The following RHOA variants were observed in gnomAD, a reference collection of about 807,000 sequenced individuals.
RHOA encodes ras homolog family member A.
Under a neutral mutation model 17.5 loss-of-function variants are expected in RHOA, and 3 were observed. That is an observed-to-expected ratio of 0.17 (90% CI 0.08 to 0.44). The LOEUF is 0.44. RHOA is among the 20% of genes least tolerant of loss of function. The pLI is 0.99. For synonymous variants in RHOA, 98 were observed against 88.4 expected, an observed-to-expected ratio of 1.11 and a Z score of -0.61; for missense variants, 56 against 242.3, an observed-to-expected ratio of 0.23 and a Z score of 5.10.
At chr3:49,388,664 C>A (rs1040420996) in intron 1 of RHOA, among the ~76,000 whole-genome samples, 3 of 152,192 alleles carry the variant, frequency 2.0e-5, no homozygotes, top group African/African-American at 7.2e-5. Context: ...TCACATTTGT[C>A]TGGACAACTT....
At chr3:49,369,597 C>T (rs1002930930) in intron 2 of RHOA, among the ~76,000 whole-genome samples, 5 of 151,396 alleles carry the variant, frequency 3.3e-5, no homozygotes, top group East Asian at 4.0e-4. Flanking sequence ...TAGCCAGGCA[C>T]GGCAGCGTGC....
intron 1 of RHOA, among the ~76,000 whole-genome samples, chr3:49,393,716 G>GAGAGACAGAATCTCGCTC (rs2048559783): frequency 7.0e-6 from 1 of 142,326 alleles, no homozygotes. Flanking sequence ...GTGTGTGTGT[G>GAGAGACAGAATCTCGCTC]TGTGTGTGTG....
intron 1 of RHOA, among the ~76,000 whole-genome samples, chr3:49,407,232 GTTTTTTT>G (rs61556875): frequency 5.7e-5 from 4 of 70,020 alleles, no homozygotes; most frequent in Admixed American, 2.3e-4. Flanking sequence ...AATCCTTTCC[GTTTTTTT>G]TTTTTTTTTT....
At chr3:49,386,979 TG>T (rs2048405970) in intron 1 of RHOA, among the ~76,000 whole-genome samples, 1 of 150,942 alleles carries the variant, frequency 6.6e-6, no homozygotes, top group South Asian at 2.1e-4. Flanking sequence ...TAGCCAGGCA[TG>T]GTGGCGGGTG....
intron 1 of RHOA, among the ~76,000 whole-genome samples, chr3:49,408,110 G>C (rs1244603462): frequency 6.6e-6 from 1 of 151,656 alleles, no homozygotes; most frequent in Non-Finnish European, 1.5e-5. Flanking sequence ...AGTGAGCCGA[G>C]ATGGCGCTAC....
chr3:49,374,502 TGAGGTCAG>T (rs2107847343), intron 2 of RHOA, among the ~76,000 whole-genome samples: 1 of 151,914 alleles, frequency 6.6e-6, no homozygotes, highest in Admixed American at 6.6e-5. Context: ...GTGGATCATC[TGAGGTCAG>T]GAGCTTGAGA....
At chr3:49,405,771 G>A (rs905890021) in intron 1 of RHOA, among the ~76,000 whole-genome samples, 3 of 152,094 alleles carry the variant, frequency 2.0e-5, no homozygotes, top group Admixed American at 6.5e-5. Flanking sequence ...TGCAACCTGC[G>A]CCTCTCAAGT....
At chr3:49,382,718 C>T (rs1334238903) in intron 1 of RHOA, among the ~76,000 whole-genome samples, 1 of 152,146 alleles carries the variant, frequency 6.6e-6, no homozygotes, top group African/African-American at 2.4e-5. Flanking sequence ...ACAACCAGGA[C>T]CCTATGGGAT....
chr3:49,410,262 G>A (rs1165088817), intron 1 of RHOA, among the ~76,000 whole-genome samples: 1 of 152,140 alleles, frequency 6.6e-6, no homozygotes, highest in African/African-American at 2.4e-5. Context: ...TGACTAGATA[G>A]GTAACCTTGG....
At chr3:49,398,832 T>C (rs1485162719) in intron 1 of RHOA, among the ~76,000 whole-genome samples, 18 of 79,124 alleles carry the variant, frequency 2.3e-4, no homozygotes, top group African/African-American at 1.0e-3. Context: ...ACAGCGAGAC[T>C]CCGTCTCAAA....
In RHOA at chr3:49,411,975, G is replaced by C. The variant is rs1350951076; in HGVS notation, c.-158C>G. 1 of 158,122 alleles carries C rather than the reference G, an allele frequency of 6.3e-6. No homozygotes were observed. The highest frequency in any genetic ancestry group is 2.4e-5 in the African/African-American group (1 of 41,534). The allele number at this position is 158,122 out of a possible 1,614,324, so 9.8% of individuals were successfully genotyped here. The stretch of plus-strand genomic sequence containing the variant: ...GGCGGCGGGAGGGTAGCGCGAGAGA[G>C]CGAGGGCGGGCGGCGGCGGGAGGGC... On this transcript the variant is annotated 5_prime_UTR_variant, in exon 1 of 5. Coordinates refer to ENST00000418115, the MANE Select transcript of RHOA (RefSeq NM_001664.4).
At chr3:49,393,213 G>A (rs918269404) in intron 1 of RHOA, among the ~76,000 whole-genome samples, 3 of 151,944 alleles carry the variant, frequency 2.0e-5, no homozygotes, top group African/African-American at 7.2e-5. Flanking sequence ...AATTCTAAGT[G>A]CTCCCATCCA....
chr3:49,369,838 C>T (rs1056095143), intron 2 of RHOA, among the ~76,000 whole-genome samples: 3 of 152,094 alleles, frequency 2.0e-5, no homozygotes, highest in Non-Finnish European at 4.4e-5. Context: ...GAGGCCAAGG[C>T]GGGCGGATCA....
At chr3:49,381,967 C>T (rs1056587441) in intron 1 of RHOA, among the ~76,000 whole-genome samples, 1 of 151,588 alleles carries the variant, frequency 6.6e-6, no homozygotes, top group Admixed American at 6.6e-5. Context: ...GGGAAGACAG[C>T]TAGAGTCCAG....
At chr3:49,398,910 C>T (rs1169123470) in intron 1 of RHOA, among the ~76,000 whole-genome samples, 5 of 136,800 alleles carry the variant, frequency 3.7e-5, no homozygotes, top group Non-Finnish European at 7.7e-5. Context: ...TATTACAGGG[C>T]TTTAATACTG....
chr3:49,399,972 G>C (rs1412022672), intron 1 of RHOA, among the ~76,000 whole-genome samples: 1 of 151,970 alleles, frequency 6.6e-6, no homozygotes, highest in Non-Finnish European at 1.5e-5. Flanking sequence ...TGTAATCCCA[G>C]CACGTTGGGA....
chr3:49,390,135 A>G (rs2048472259), intron 1 of RHOA, among the ~76,000 whole-genome samples: 1 of 150,844 alleles, frequency 6.6e-6, no homozygotes, highest in South Asian at 2.1e-4. Context: ...CGTTGTCAGG[A>G]ATTTTTTTTT....
chr3:49,404,611 CAAAAAAA>C (rs71080508), intron 1 of RHOA, among the ~76,000 whole-genome samples: 3 of 33,166 alleles, frequency 9.0e-5, no homozygotes, highest in East Asian at 1.2e-3. Flanking sequence ...GACTCCGTCT[CAAAAAAA>C]AAAAAAAAAA....
chr3:49,369,323 G>A (rs1024119904), intron 2 of RHOA, among the ~76,000 whole-genome samples: 1 of 150,274 alleles, frequency 6.7e-6, no homozygotes, highest in East Asian at 2.1e-4. Flanking sequence ...ACACCCGGCC[G>A]AGTATTCACT....
Sources: gnomAD v4.1 joint callset for allele counts (sites outside exome capture counted in the v4.1 genomes callset) on GRCh38, gnomAD v4.1.1 for gene constraint, MANE v1.5 for transcripts, NCBI Gene and HGNC (gene_info 2026-07-23, HGNC 2026-07-21) for gene names.